Variants in INTS1 observed in about 807,000 individuals in gnomAD.
INTS1 encodes the protein integrator complex subunit 1.
INTS1 carries 137 observed loss-of-function variants against 241.6 expected under a neutral mutation model. The observed-to-expected ratio is 0.57, with a 90% CI of 0.49 to 0.65. INTS1 has a LOEUF of 0.65. INTS1 is among the 30% of genes least tolerant of loss of function. The pLI is 0.00. For synonymous variants in INTS1, 1,692 were observed against 1,337.8 expected, an observed-to-expected ratio of 1.26 and a Z score of -5.78; for missense variants, 3,073 against 3,032.2, an observed-to-expected ratio of 1.01 and a Z score of -0.32.
Position 1,476,075 on chromosome 7 carries a change from G to A in INTS1, c.5379-4C>T. ...TCGGCAGCGCCTGCCCAGCACGCTG[G>A]AAGAGGTGGAGCAGGGCTCACCAGG... is the stretch of plus-strand genomic sequence containing the variant. On this transcript the variant is annotated splice_region_variant and splice_polypyrimidine_tract_variant and intron_variant, in intron 38 of 47. Coordinates refer to ENST00000404767, the MANE Select transcript of INTS1 (RefSeq NM_001080453.3). 1 of 1,540,590 alleles carries A rather than the reference G, an allele frequency of 6.5e-7. No individual in the cohort carries two copies. Among genetic ancestry groups the A allele is most frequent in the Non-Finnish European group, 8.7e-7 (1 of 1,144,946 alleles).
rs199811995 is a variant in INTS1 at position 1,499,626 on chromosome 7, T to C, written c.691A>G (p.Ile231Val). 33 of 1,601,342 alleles carry C rather than the reference T, an allele frequency of 2.1e-5. 1 individual carries two copies. In the Admixed American group the frequency reaches 3.4e-4, roughly 16 times the overall value. The change falls in exon 6 of 48, where the codon ATC becomes GTC. Residue 231 changes from isoleucine to valine, a missense_variant. Transcript: ENST00000404767. The stretch of plus-strand genomic sequence containing the variant: ...ATCCGCTCCCCCAGGGAGTCCTCGA[T>C]GTACACCTGTGTGGCAGCCACACCC... ...NWPEIFVKVY[I>V]EDSLGERIWV...
Position 1,471,199 on chromosome 7 carries a change from G to A in INTS1, c.6281C>T (p.Ser2094Leu), listed in dbSNP as rs1018923942. 7 of 1,581,030 alleles carry A rather than the reference G, an allele frequency of 4.4e-6. No homozygotes were observed. Among genetic ancestry groups the A allele is most frequent in the African/African-American group, 1.3e-5 (1 of 74,218 alleles). Residue 2094 changes from serine (S) to leucine (L), a missense_variant, in exon 46 of 48, where the codon TCG (serine) becomes TTG (leucine). By Grantham distance (145) the Ser-to-Leu change is moderately radical. Coordinates refer to ENST00000404767, the MANE Select transcript of INTS1 (RefSeq NM_001080453.3). ...FSTNLQRLMS[S>L]AEECCRNLAF... is the part of the protein sequence containing the mutation. Reference sequence around the variant, plus strand: ...GAGGTTGCGGCAACACTCCTCGGCCGAGCTCATCAGCCGCTGCAGGTTGGT... The same window carrying A: ...GAGGTTGCGGCAACACTCCTCGGCCAAGCTCATCAGCCGCTGCAGGTTGGT...
At chr7:1,489,936 C>A (rs775193283) in intron 16 of INTS1, among the ~76,000 whole-genome samples, 26 of 152,140 alleles carry the variant, frequency 1.7e-4, no homozygotes, top group Non-Finnish European at 2.6e-4. Context: ...GTGGTGGATA[C>A]ATAATAAACG....
rs751790889 is a variant in INTS1 at position 1,503,050 on chromosome 7, C to G, written c.200G>C (p.Ser67Thr). The G allele has an allele frequency of 1.9e-6, 3 of 1,613,516 alleles. No individual in the cohort carries two copies. The highest frequency in any genetic ancestry group is 2.2e-5 in the South Asian group (2 of 91,074). Residue 67 changes from serine (S) to threonine (T), a missense_variant, in exon 3 of 48, where the codon AGT becomes ACT. Ser to Thr is a moderately conservative substitution (Grantham distance 58). Coordinates refer to ENST00000404767, the MANE Select transcript of INTS1 (RefSeq NM_001080453.3). ...RKRDAAAALS[S>T]ASALTGLTKR... The stretch of plus-strand genomic sequence containing the variant: ...GGTGAGACCGGTGAGGGCCGAGGCA[C>G]TGGACAACGCGGCCGCCGCATCCCG...
intron 39 of INTS1, among the ~76,000 whole-genome samples, chr7:1,475,701 C>G (rs547009839): frequency 6.6e-6 from 1 of 152,376 alleles, no homozygotes; most frequent in South Asian, 2.1e-4. Context: ...GGCCGATCCA[C>G]ACAATGGCAG....
intron 26 of INTS1, chr7:1,483,178 G>A (rs906750581): frequency 2.3e-5 from 5 of 214,356 alleles, no homozygotes; most frequent in Admixed American, 2.1e-4. Context: ...CCCAGCATGA[G>A]GGTTCCGCCC....
chr7:1,472,438 C>T, intron 43 of INTS1, 52 bp from the exon 44 acceptor site: 1 of 1,312,860 alleles, frequency 7.6e-7, no homozygotes, highest in South Asian at 1.4e-5. Flanking sequence ...GGACGTGCCA[C>T]ACTGAGGCAC....
At position 1,470,605 on chromosome 7, in the gene INTS1, C is replaced by A; in HGVS notation, c.6545G>T (p.Arg2182Met). The change falls in exon 48 of 48, where the codon AGG (arginine) becomes ATG (methionine). Residue 2182 changes from arginine to methionine, a missense_variant. By Grantham distance (91) the Arg-to-Met change is moderately conservative. Transcript: ENST00000404767. ...CATCACGGCCTCCATATGCAGGATC[C>A]TCAGGGCCTCGGAGATCTGCGCGCT... ...DPSAQISEAL[R>M]ILHMEAVM 1 of 1,581,016 alleles carries A rather than the reference C, an allele frequency of 6.3e-7. No individual in the cohort carries two copies.
At chr7:1,480,718 T>C (rs1584269494) in intron 29 of INTS1, 117 bp downstream of exon 29, 1 of 836,038 alleles carries the variant, frequency 1.2e-6, no homozygotes, top group East Asian at 2.7e-5. Flanking sequence ...CATCAGCAAG[T>C]GTGCACTGCC....
chr7:1,499,734 T>C (rs1783063323), intron 5 of INTS1, 102 bp from the exon 6 acceptor site: 4 of 1,476,864 alleles, frequency 2.7e-6, no homozygotes, highest in Non-Finnish European at 1.8e-6. Flanking sequence ...GGCGGCCCTC[T>C]CCAGCTTCTG....
chr7:1,480,688 T>TG (rs1363625810), intron 29 of INTS1, 147 bp downstream of exon 29: 1 of 740,998 alleles, frequency 1.3e-6, no homozygotes, highest in Non-Finnish European at 2.2e-6. Context: ...AGAGTTTCTG[T>TG]GGGGGCCCCT....
chr7:1,480,528 C>A, intron 29 of INTS1, 87 bp from the exon 30 acceptor site: 1 of 1,436,090 alleles, frequency 7.0e-7, no homozygotes, highest in South Asian at 1.3e-5. Flanking sequence ...GCGAGTCCTG[C>A]CCGGGGACTG....
At chr7:1,473,483 A>C in intron 42 of INTS1, 83 bp downstream of exon 42, 1 of 1,486,018 alleles carries the variant, frequency 6.7e-7, no homozygotes, top group Non-Finnish European at 9.1e-7. Flanking sequence ...CTGACACGAC[A>C]CGGCCTTCCC....
At position 1,489,421 on chromosome 7, in the gene INTS1, T is replaced by G. The variant is rs1782443374; in HGVS notation, c.2258-17A>C. 2.9e-6 allele frequency: 3 copies of G among 1,025,664 alleles called. No individual in the cohort carries two copies. Among genetic ancestry groups the G allele is most frequent in the Middle Eastern group, 5.1e-4 (2 of 3,906 alleles). 63.5% of individuals were successfully genotyped at this position (1,025,664 alleles called of 1,614,324 possible). ...CAGCCAGGCCTAGGGAACCGGAGGG[T>G]GTGGGGCTGGCCAGGCTCCCCTGGG... On this transcript the variant is annotated splice_polypyrimidine_tract_variant and intron_variant, in intron 17 of 47. Transcript: ENST00000404767.
In INTS1 at chr7:1,473,198, A is replaced by G. The variant is rs1781553591; in HGVS notation, c.5958-14T>C. 1 of 1,582,516 alleles carries G rather than the reference A, an allele frequency of 6.3e-7. No individual in the cohort carries two copies. The highest frequency in any genetic ancestry group is 2.2e-5 in the East Asian group (1 of 44,584). ...AAGGACAGGTCGCTGGGGAGAGAAG[A>G]TGCTTTCACCTGGGAGGAAGACGCT... On this transcript the variant is annotated splice_polypyrimidine_tract_variant and intron_variant, in intron 42 of 47. Transcript: ENST00000404767.
In INTS1 at chr7:1,475,852, C is replaced by T. The variant is rs1274351880; in HGVS notation, c.5502+96G>A. ...ACTGGGAAGGGGCAAGAGGGGTAGC[C>T]GGCGATGGCCATGTACACTGTGGCC... is the stretch of plus-strand genomic sequence containing the variant. On this transcript the variant is annotated intron_variant, in intron 39 of 47. Coordinates refer to ENST00000404767, the MANE Select transcript of INTS1 (RefSeq NM_001080453.3). The T allele has an allele frequency of 3.7e-5, 52 of 1,421,042 alleles. 1 individual carries two copies. The East Asian group carries it at 1.1e-3, about 29-fold the overall frequency. The allele number at this position is 1,421,042 out of a possible 1,614,324, so 88.0% of individuals were successfully genotyped here.
chr7:1,473,477 C>A, intron 42 of INTS1, 89 bp downstream of exon 42: 2 of 1,462,968 alleles, frequency 1.4e-6, no homozygotes, highest in Non-Finnish European at 1.9e-6. Context: ...GCATATCTGA[C>A]ACGACACGGC....
In INTS1 at chr7:1,499,904, A is replaced by G. The variant is rs1783073177; in HGVS notation, c.664T>C (p.Trp222Arg). The part of the protein sequence containing the change: ...LMAAYEEDEN[W>R]PEIFVKVYIE... ...CTCACCTTGACAAAGATCTCGGGCC[A>G]GTTCTCGTCCTCCTCGTAGGCGGCC... The change falls in exon 5 of 48, where the codon TGG (tryptophan) becomes CGG (arginine). Residue 222 changes from tryptophan to arginine, a missense_variant. Transcript: ENST00000404767. The G allele has an allele frequency of 1.2e-6, 2 of 1,612,966 alleles. No homozygotes were observed. The highest frequency in any genetic ancestry group is 1.7e-6 in the Non-Finnish European group (2 of 1,179,434).
intron 14 of INTS1, chr7:1,494,534 C>A: frequency 1.9e-6 from 1 of 528,466 alleles, no homozygotes; most frequent in South Asian, 2.0e-5. Flanking sequence ...TGCCCGTGGA[C>A]GCCCTGGAAG....
Sources: gnomAD v4.1 joint callset for allele counts (sites outside exome capture counted in the v4.1 genomes callset) on GRCh38, gnomAD v4.1.1 for gene constraint, MANE v1.5 for transcripts, NCBI Gene and HGNC (gene_info 2026-07-23, HGNC 2026-07-21) for gene names.